Variants in USP24 observed in about 807,000 individuals in gnomAD.
The protein encoded by USP24 is ubiquitin specific peptidase 24, also known as ubiquitin carboxyl-terminal hydrolase 24.
USP24 carries 97 observed loss-of-function variants against 361.6 expected under a neutral mutation model. The observed-to-expected ratio is 0.27, with a 90% CI of 0.23 to 0.32. The LOEUF (loss-of-function observed/expected upper bound fraction) is 0.32. Among genes scored for constraint, USP24 ranks in the 10% least tolerant of loss-of-function variants. The pLI, the probability that USP24 is intolerant of heterozygous loss-of-function variation, is 1.00. For synonymous variants in USP24, 1,098 were observed against 1,124.6 expected, an observed-to-expected ratio of 0.98 and a Z score of 0.47; for missense variants, 2,353 against 3,165.6, an observed-to-expected ratio of 0.74 and a Z score of 6.16.
intron 7 of USP24, among the ~76,000 whole-genome samples, chr1:55,162,664 A>G (rs1453493584): frequency 7.2e-5 from 11 of 152,170 alleles, no homozygotes; most frequent in Admixed American, 7.2e-4. Context: ...ACATTAAAGC[A>G]GCCCAAATAA....
intron 5 of USP24, among the ~76,000 whole-genome samples, chr1:55,170,715 T>A (rs1649353671): frequency 6.6e-6 from 1 of 152,190 alleles, no homozygotes; most frequent in Admixed American, 6.5e-5. Flanking sequence ...CTCCTCAAGG[T>A]GGCAATAACT....
At chr1:55,115,247 G>A (rs528471241) in intron 38 of USP24, among the ~76,000 whole-genome samples, 49 of 151,988 alleles carry the variant, frequency 3.2e-4, no homozygotes, top group Admixed American at 8.5e-4. Flanking sequence ...GGCCGGGCGC[G>A]GTGGCTCACG....
chr1:55,214,339 C>T (rs1644927294), intron 1 of USP24, among the ~76,000 whole-genome samples: 1 of 152,048 alleles, frequency 6.6e-6, no homozygotes, highest in African/African-American at 2.4e-5. Flanking sequence ...TCCGCCAATC[C>T]TTCACTGAAA....
chr1:55,205,533 T>C (rs1023303270), intron 1 of USP24, among the ~76,000 whole-genome samples: 1 of 152,172 alleles, frequency 6.6e-6, no homozygotes, highest in Non-Finnish European at 1.5e-5. Flanking sequence ...AAAAAATAGC[T>C]CCCAATGATG....
chr1:55,078,520 G>A lies in USP24; in HGVS notation c.7314+18C>T, dbSNP rs17111582. On this transcript the variant is annotated intron_variant, in intron 61 of 67. Coordinates refer to ENST00000294383, the MANE Select transcript of USP24 (RefSeq NM_015306.3). ...CTTAAAGGCTATCTGGCTATCACTC[G>A]TTTAACTGAGGTCTTACCTTAATGA... The A allele has an allele frequency of 1.6e-3, 2,502 of 1,591,642 alleles. 30 individuals carry two copies. In the African/African-American group the frequency reaches 0.029, roughly 18 times the overall value.
At chr1:55,129,236 G>C (rs901863798) in intron 32 of USP24, among the ~76,000 whole-genome samples, 2 of 152,074 alleles carry the variant, frequency 1.3e-5, no homozygotes, top group African/African-American at 4.8e-5. Context: ...TACTCTTCTT[G>C]AAAATTTCCC....
At chr1:55,193,605 G>A (rs991386322) in intron 1 of USP24, among the ~76,000 whole-genome samples, 3 of 152,180 alleles carry the variant, frequency 2.0e-5, no homozygotes, top group Admixed American at 2.0e-4. Flanking sequence ...CAGGAAGGAG[G>A]AGAGATATGG....
rs1647469675 is a variant in USP24, at chr1:55,154,873, T to C, written c.1447-95A>G. ...ACTTACAGAAGCACAAGCAAAAATA[T>C]AACAAAGACAAATTGACTCTAGTGT... On this transcript the variant is annotated intron_variant, in intron 12 of 67. Transcript: ENST00000294383. 7.0e-6 allele frequency: 6 copies of C among 855,176 alleles called. No individual in the cohort carries two copies. In the East Asian group the frequency reaches 1.1e-4, roughly 15 times the overall value. 53.0% of individuals were successfully genotyped at this position (855,176 alleles called of 1,614,324 possible).
Position 55,068,775 on chromosome 1 carries a change from C to A in USP24, c.*270G>T. Reference sequence around the variant, plus strand: ...AAAAGTCTGCCACTGGCTCTATTTCCGAAAATCTCCACAGAAATGTGAATC... The same window carrying A: ...AAAAGTCTGCCACTGGCTCTATTTCAGAAAATCTCCACAGAAATGTGAATC... On this transcript the variant is annotated 3_prime_UTR_variant, in exon 68 of 68. Coordinates refer to ENST00000294383, the MANE Select transcript of USP24 (RefSeq NM_015306.3). 2.4e-6 allele frequency: 1 copy of A among 425,392 alleles called. No homozygotes were observed. The highest frequency in any genetic ancestry group is 5.9e-5 in the South Asian group (1 of 16,894). The allele number at this position is 425,392 out of a possible 1,614,324, so 26.4% of individuals were successfully genotyped here.
In USP24 at chr1:55,068,820, CG is replaced by C. The variant is rs1343724379; in HGVS notation, c.*224del. On this transcript the variant is annotated 3_prime_UTR_variant, in exon 68 of 68. Transcript: ENST00000294383. ...TGAATCCACATATAGACCACGCTCC[CG>C]GGACAGCTGATCCACATGCCGGAGT... 2 of 563,758 alleles carry C rather than the reference CG, an allele frequency of 3.5e-6. No homozygotes were observed. The highest frequency in any genetic ancestry group is 3.8e-5 in the African/African-American group (2 of 52,936). 34.9% of individuals were successfully genotyped at this position (563,758 alleles called of 1,614,324 possible).
At chr1:55,135,936 A>G (rs1040184057) in intron 28 of USP24, among the ~76,000 whole-genome samples, 11 of 152,210 alleles carry the variant, frequency 7.2e-5, no homozygotes, top group Non-Finnish European at 4.4e-5. Context: ...TCATTGAAAT[A>G]TTGATTGAGT....
chr1:55,074,635 A>T (rs905455327), intron 63 of USP24, among the ~76,000 whole-genome samples: 1 of 138,920 alleles, frequency 7.2e-6, no homozygotes, highest in African/African-American at 2.7e-5. Context: ...CCCTGTCTCA[A>T]AAATAAATAA....
intron 55 of USP24, among the ~76,000 whole-genome samples, chr1:55,089,142 A>G (rs2100459506): frequency 6.6e-6 from 1 of 152,184 alleles, no homozygotes; most frequent in African/African-American, 2.4e-5. Flanking sequence ...TCTTGACCTC[A>G]TGGTCTGCCC....
chr1:55,139,150 CT>C, intron 24 of USP24, 140 bp from the exon 25 acceptor site: 1 of 724,180 alleles, frequency 1.4e-6, no homozygotes. Flanking sequence ...TTAAACTTCC[CT>C]TTTACCCAAT....
intron 42 of USP24, 90 bp downstream of exon 42, chr1:55,103,786 T>C (rs928088154): frequency 3.6e-6 from 5 of 1,394,260 alleles, no homozygotes; most frequent in African/African-American, 1.5e-5. Flanking sequence ...ACTTTCTTTG[T>C]GGTCAGCAGA....
At chr1:55,190,373 G>C (rs77588585) in intron 1 of USP24, among the ~76,000 whole-genome samples, 1 of 152,060 alleles carries the variant, frequency 6.6e-6, no homozygotes, top group East Asian at 1.9e-4. Context: ...AACCACAGAG[G>C]GGGATAGTAT....
intron 38 of USP24, among the ~76,000 whole-genome samples, chr1:55,117,455 G>A (rs985310424): frequency 2.0e-5 from 3 of 152,212 alleles, no homozygotes; most frequent in Middle Eastern, 3.2e-3. Flanking sequence ...GTGGCCGGGC[G>A]CGGTGGCTCA....
At chr1:55,170,729 C>T (rs1012422679) in intron 5 of USP24, among the ~76,000 whole-genome samples, 3 of 152,190 alleles carry the variant, frequency 2.0e-5, no homozygotes, top group Admixed American at 6.5e-5. Flanking sequence ...AATAACTACC[C>T]CTTCCCCTGG....
At chr1:55,099,890 G>A (rs928760381) in intron 44 of USP24, 21 bp from the exon 45 acceptor site, 23 of 1,516,624 alleles carry the variant, frequency 1.5e-5, no homozygotes, top group Non-Finnish European at 2.0e-5. Flanking sequence ...AAAATTAAAT[G>A]TTTTTAAAGG....
Sources: gnomAD v4.1 joint callset for allele counts (sites outside exome capture counted in the v4.1 genomes callset) on GRCh38, gnomAD v4.1.1 for gene constraint, MANE v1.5 for transcripts, NCBI Gene and HGNC (gene_info 2026-07-23, HGNC 2026-07-21) for gene names.